The following ZFPM2 variants were observed in gnomAD, a reference collection of about 807,000 sequenced individuals.
The protein encoded by ZFPM2 is zinc finger protein ZFPM2.
A neutral mutation model predicts 98.6 loss-of-function variants in ZFPM2; 20 were observed. The observed-to-expected ratio is 0.20, with a 90% CI of 0.14 to 0.29. ZFPM2 has a LOEUF of 0.29. Ranked by LOEUF, ZFPM2 falls within the 10% of genes least tolerant of loss-of-function variation. ZFPM2 has a pLI of 1.00. For missense variants in ZFPM2, 1,310 were observed against 1,388.6 expected, an observed-to-expected ratio of 0.94 and a Z score of 0.90; for synonymous variants, 518 against 502.7, an observed-to-expected ratio of 1.03 and a Z score of -0.41.
chr8:105,681,655 G>A (rs1356216551), intron 5 of ZFPM2, among the ~76,000 whole-genome samples: 1 of 152,120 alleles, frequency 6.6e-6, no homozygotes, highest in African/African-American at 2.4e-5. Flanking sequence ...CTTCTGGTAT[G>A]TATTCATGGT....
intron 2 of ZFPM2, among the ~76,000 whole-genome samples, chr8:105,419,601 C>T (rs1035963990): frequency 7.2e-5 from 11 of 152,092 alleles, no homozygotes; most frequent in African/African-American, 2.7e-4. Context: ...TTTATTCATT[C>T]ATTCTTTCAA....
At chr8:105,657,283 C>T (rs866086528) in intron 5 of ZFPM2, among the ~76,000 whole-genome samples, 2 of 151,968 alleles carry the variant, frequency 1.3e-5, no homozygotes, top group Admixed American at 6.6e-5. Flanking sequence ...GGACTAGAGG[C>T]GCCTGCCACC....
chr8:105,743,598 C>G (rs184030951), intron 5 of ZFPM2, among the ~76,000 whole-genome samples: 3 of 152,086 alleles, frequency 2.0e-5, no homozygotes, highest in African/African-American at 7.2e-5. Flanking sequence ...TCACCCAGAT[C>G]TCTAAGATTG....
chr8:105,755,115 A>G (rs938258756), intron 5 of ZFPM2, among the ~76,000 whole-genome samples: 12 of 152,138 alleles, frequency 7.9e-5, no homozygotes, highest in African/African-American at 2.9e-4. Context: ...GAAAACCTTT[A>G]TTGTTCTGAA....
chr8:105,368,375 T>G (rs923243742), intron 1 of ZFPM2, among the ~76,000 whole-genome samples: 14 of 152,150 alleles, frequency 9.2e-5, no homozygotes, highest in African/African-American at 3.4e-4. Flanking sequence ...ATTGATCTTA[T>G]CTCAGACAAT....
At position 105,645,726 on chromosome 8, in the gene ZFPM2, T is replaced by G. The variant is rs2343608; in HGVS notation, c.532+11369T>G. Among the ~76,000 whole-genome samples, 1,138 of 152,100 alleles carry G rather than the reference T, an allele frequency of 7.5e-3. 12 individuals carry two copies. The highest frequency in any genetic ancestry group is 0.025 in the African/African-American group (1,052 of 41,470). On this transcript the variant is annotated intron_variant, in intron 5 of 7. Coordinates refer to ENST00000407775, the MANE Select transcript of ZFPM2 (RefSeq NM_012082.4). ...CAGGGATTTATGCTGATCGAGGTGG[T>G]GAAATATACAGAAGCTATAGGAGGA...
intron 5 of ZFPM2, among the ~76,000 whole-genome samples, chr8:105,637,048 G>T (rs2130844436): frequency 6.6e-6 from 1 of 152,260 alleles, no homozygotes; most frequent in African/African-American, 2.4e-5. Context: ...CTTAGGGTTG[G>T]AGTGATACAT....
At chr8:105,506,759 G>A (rs908038923) in intron 3 of ZFPM2, among the ~76,000 whole-genome samples, 28 of 151,984 alleles carry the variant, frequency 1.8e-4, no homozygotes, top group African/African-American at 6.3e-4. Flanking sequence ...AGGCTGAGGC[G>A]GGCGGATCAC....
chr8:105,429,463 T>TATATATATATATATAG (rs1563654523), intron 2 of ZFPM2, among the ~76,000 whole-genome samples: 6 of 150,696 alleles, frequency 4.0e-5, no homozygotes, highest in African/African-American at 1.5e-4. Context: ...TATATATATA[T>TATATATATATATATAG]ATGGAAATAG....
chr8:105,371,715 A>C (rs1189456125), intron 1 of ZFPM2, among the ~76,000 whole-genome samples: 2 of 152,296 alleles, frequency 1.3e-5, no homozygotes, highest in Middle Eastern at 3.4e-3. Context: ...TATCAGAGAA[A>C]GGTGATACCA....
intron 5 of ZFPM2, among the ~76,000 whole-genome samples, chr8:105,680,476 C>T (rs1810576420): frequency 1.3e-5 from 2 of 152,264 alleles, no homozygotes; most frequent in South Asian, 4.1e-4. Flanking sequence ...ATCTCCTCCT[C>T]CAAAGCACAG....
intron 5 of ZFPM2, among the ~76,000 whole-genome samples, chr8:105,649,288 A>G (rs1275528966): frequency 2.0e-5 from 3 of 152,146 alleles, no homozygotes; most frequent in African/African-American, 4.8e-5. Context: ...GGCTGAGACT[A>G]TGGGGTTTTC....
intron 4 of ZFPM2, among the ~76,000 whole-genome samples, chr8:105,597,538 GTCATTAAA>G (rs1326026222): frequency 6.6e-6 from 1 of 152,020 alleles, no homozygotes; most frequent in Non-Finnish European, 1.5e-5. Flanking sequence ...AATAAAAGTA[GTCATTAAA>G]GAGTATAGAG....
rs1298923261 is a variant in ZFPM2, at chr8:105,404,800, T to G, written c.41-14344T>G. On this transcript the variant is annotated intron_variant, in intron 1 of 7. Transcript: ENST00000407775. ...TTTAGATTCTGAACTCATTAACAGC[T>G]CATAAAAACATCAGATATACCTGCC... Among the ~76,000 whole-genome samples, 5 of 152,070 alleles carry G rather than the reference T, an allele frequency of 3.3e-5. No individual in the cohort carries two copies. In the East Asian group the frequency reaches 9.6e-4, roughly 29 times the overall value.
At chr8:105,573,301 CT>C (rs1052435984) in intron 4 of ZFPM2, among the ~76,000 whole-genome samples, 1 of 152,134 alleles carries the variant, frequency 6.6e-6, no homozygotes, top group African/African-American at 2.4e-5. Flanking sequence ...TTGCTGAATT[CT>C]AGGGAAGGGA....
intron 5 of ZFPM2, among the ~76,000 whole-genome samples, chr8:105,782,674 A>G (rs890376439): frequency 7.2e-5 from 11 of 152,062 alleles, no homozygotes; most frequent in Non-Finnish European, 1.5e-4. Context: ...ATTATTCTTC[A>G]TTATTGTAAT....
In ZFPM2 at chr8:105,803,519, C is replaced by T; in HGVS notation, c.3437C>T (p.Ala1146Val). The stretch of plus-strand genomic sequence containing the variant: ...AAGAAGTTTTATTGCTCATCACATG[C>T]AGCAGAACATGTCAAATGAACTAAC... ...THKKFYCSSH[A>V]AEHVK Residue 1146 changes from alanine (A) to valine (V), a missense_variant, in exon 8 of 8, where the codon GCA (alanine) becomes GTA (valine). By Grantham distance (64) the Ala-to-Val change is moderately conservative. Transcript: ENST00000407775. The T allele has an allele frequency of 6.2e-7, 1 of 1,609,222 alleles. No homozygotes were observed.
At chr8:105,355,822 T>G (rs1021066) in intron 1 of ZFPM2, among the ~76,000 whole-genome samples, 64,828 of 152,082 alleles carry the variant, frequency 0.43, 16,227 homozygotes, top group Middle Eastern at 0.56. Context: ...TTTATAAATT[T>G]CAGGTACGAA....
intron 3 of ZFPM2, among the ~76,000 whole-genome samples, chr8:105,451,017 A>T (rs988487835): frequency 6.6e-6 from 1 of 152,132 alleles, no homozygotes; most frequent in Non-Finnish European, 1.5e-5. Flanking sequence ...CACTGGAAAG[A>T]CAGCTAATGT....
Sources: allele counts gnomAD v4.1 joint callset (sites outside exome capture counted in the v4.1 genomes callset), GRCh38; gene constraint gnomAD v4.1.1; transcripts MANE v1.5; gene names NCBI Gene and HGNC (gene_info 2026-07-23, HGNC 2026-07-21).